STK32A: variants seen among roughly 807,000 people sequenced by gnomAD.
STK32A encodes serine/threonine-protein kinase 32A.
In STK32A, 41 loss-of-function variants were observed where a neutral mutation model predicts 53.2. The observed-to-expected ratio is 0.77, with a 90% confidence interval of 0.60 to 1.00. The LOEUF is 1.00. Ranked by LOEUF, STK32A falls within the 50% of genes least tolerant of loss-of-function variation. STK32A has a pLI of 0.00. For missense variants in STK32A, 458 were observed against 485.8 expected (o/e 0.94, Z 0.54); for synonymous variants, 166 against 162.8 (o/e 1.02, Z -0.15).
chr5:147,344,298 A>T (rs771696614), intron 6 of STK32A, among the ~76,000 whole-genome samples: 2 of 152,176 alleles, frequency 1.3e-5, no homozygotes, highest in Non-Finnish European at 2.9e-5. Context: ...AATGACCTCT[A>T]ATTTCAAAGC....
chr5:147,236,247 G>T (rs1311052526), intron 1 of STK32A, among the ~76,000 whole-genome samples: 1 of 152,076 alleles, frequency 6.6e-6, no homozygotes, highest in Non-Finnish European at 1.5e-5. Context: ...TCTGATAATC[G>T]GCCAGGTCAG....
intron 4 of STK32A, among the ~76,000 whole-genome samples, chr5:147,314,910 AT>A (rs918810045): frequency 7.1e-4 from 106 of 149,212 alleles, no homozygotes; most frequent in African/African-American, 1.9e-3. Flanking sequence ...GCACCAGACA[AT>A]TTTTTTTTTC....
intron 2 of STK32A, among the ~76,000 whole-genome samples, chr5:147,254,080 C>T (rs1348804294): frequency 6.6e-6 from 1 of 152,130 alleles, no homozygotes; most frequent in Non-Finnish European, 1.5e-5. Context: ...TGTCTGTGTG[C>T]AAATTTTCCT....
chr5:147,282,013 A>G (rs1306043953), intron 4 of STK32A, among the ~76,000 whole-genome samples: 1 of 152,206 alleles, frequency 6.6e-6, no homozygotes, highest in African/African-American at 2.4e-5. Flanking sequence ...TAAGCATCAT[A>G]TATGAAGGAA....
At chr5:147,372,447 G>A (rs1757043722) in intron 9 of STK32A, among the ~76,000 whole-genome samples, 1 of 151,610 alleles carries the variant, frequency 6.6e-6, no homozygotes, top group Non-Finnish European at 1.5e-5. Flanking sequence ...ATAGAATGGG[G>A]GATCATTTTT....
At chr5:147,263,278 T>G (rs555877334) in intron 2 of STK32A, among the ~76,000 whole-genome samples, 18 of 152,312 alleles carry the variant, frequency 1.2e-4, no homozygotes, top group Non-Finnish European at 2.5e-4. Context: ...GGAGATTTTC[T>G]AATTCAACAT....
At chr5:147,283,419 G>A (rs186185816) in intron 4 of STK32A, among the ~76,000 whole-genome samples, 1 of 150,360 alleles carries the variant, frequency 6.7e-6, no homozygotes, top group East Asian at 2.0e-4. Context: ...CCCAAACCCG[G>A]CAGAAGAAAG....
intron 2 of STK32A, among the ~76,000 whole-genome samples, chr5:147,272,704 ATTG>A (rs1331537297): frequency 6.6e-6 from 1 of 152,194 alleles, no homozygotes; most frequent in African/African-American, 2.4e-5. Context: ...TCACTGAATA[ATTG>A]TTGTACTTAA....
At position 147,239,682 on chromosome 5, in the gene STK32A, A is replaced by G. The variant is rs1410948680; in HGVS notation, c.48A>G (p.Glu16=). 16 of 1,606,278 alleles carry G rather than the reference A, an allele frequency of 1.0e-5. No homozygotes were observed. The highest frequency in any genetic ancestry group is 1.3e-5 in the Non-Finnish European group (15 of 1,176,014). ...SRKPPVFDEN[E]DVNFDHFEIL... ...AACCACCAGTGTTTGATGAAAATGA[A>G]GATGGTAAGAAATATGGGATAGTGG... The change falls in exon 2 of 13, where the codon GAA becomes GAG. Residue 16 remains glutamate (E), a synonymous_variant. Transcript: ENST00000397936.
intron 4 of STK32A, among the ~76,000 whole-genome samples, chr5:147,307,344 G>A (rs961841535): frequency 1.3e-5 from 2 of 151,866 alleles, no homozygotes; most frequent in East Asian, 1.9e-4. Context: ...TGTCTGGCTG[G>A]GGACAGTGAC....
chr5:147,394,154 A>G, the STK32A span: 22 of 1,610,354 alleles, frequency 1.4e-5, no homozygotes, highest in East Asian at 2.2e-5. Flanking sequence ...CCAGGGGGAA[A>G]AAAAAAACAG....
At chr5:147,393,942 T>C in the STK32A span, 1 of 1,291,926 alleles carries the variant, frequency 7.7e-7, no homozygotes, top group Admixed American at 1.8e-5. Flanking sequence ...TCACAACCGT[T>C]TGGATTCGCT....
intron 4 of STK32A, among the ~76,000 whole-genome samples, chr5:147,295,407 T>C (rs1194432392): frequency 6.6e-6 from 1 of 152,226 alleles, no homozygotes; most frequent in Non-Finnish European, 1.5e-5. Flanking sequence ...TTTTATAGCC[T>C]GCAAATGTCA....
intron 4 of STK32A, among the ~76,000 whole-genome samples, chr5:147,294,454 G>A (rs1377143861): frequency 6.6e-6 from 1 of 151,880 alleles, no homozygotes; most frequent in African/African-American, 2.4e-5. Context: ...TACAGACGGG[G>A]TTTCACCATA....
chr5:147,331,425 G>A (rs1754866430), intron 5 of STK32A, among the ~76,000 whole-genome samples: 1 of 152,058 alleles, frequency 6.6e-6, no homozygotes, highest in African/African-American at 2.4e-5. Context: ...CTTCTTCAAA[G>A]GCCCTGTTCT....
chr5:147,273,296 A>G (rs1277221425), intron 2 of STK32A, among the ~76,000 whole-genome samples: 1 of 152,196 alleles, frequency 6.6e-6, no homozygotes, highest in Non-Finnish European at 1.5e-5. Context: ...ATAATTCTAA[A>G]AAGAGACAGG....
intron 2 of STK32A, among the ~76,000 whole-genome samples, chr5:147,246,099 C>T (rs2116721): frequency 0.17 from 25,190 of 152,042 alleles, 2,277 homozygotes; most frequent in Admixed American, 0.24. Flanking sequence ...AATGCTGTCT[C>T]GTATTTATTA....
chr5:147,320,153 C>T (rs1754235732), intron 4 of STK32A, among the ~76,000 whole-genome samples: 1 of 152,134 alleles, frequency 6.6e-6, no homozygotes, highest in Non-Finnish European at 1.5e-5. Flanking sequence ...TTCACAACTC[C>T]TTAAAGGAAT....
chr5:147,395,532 A>G, the STK32A span: 9 of 1,593,024 alleles, frequency 5.6e-6, no homozygotes, highest in South Asian at 1.0e-4. Context: ...CCCTTCTCTT[A>G]TCTTTTGATG....
Sources: gnomAD v4.1 joint callset for allele counts (sites outside exome capture counted in the v4.1 genomes callset) on GRCh38, gnomAD v4.1.1 for gene constraint, MANE v1.5 for transcripts, NCBI Gene and HGNC (gene_info 2026-07-23, HGNC 2026-07-21) for gene names.